The following PP2D1 variants were observed in gnomAD, a reference collection of about 807,000 sequenced individuals.
PP2D1 encodes the protein protein phosphatase 2C-like domain-containing protein 1.
A neutral mutation model predicts 30.2 loss-of-function variants in PP2D1; 25 were observed. That is an observed-to-expected ratio of 0.83 (90% CI 0.60 to 1.16). The LOEUF is 1.16. Among genes scored for constraint, PP2D1 ranks in the 50% most tolerant of loss-of-function variants. PP2D1 has a pLI of 0.00. For missense variants in PP2D1, 760 were observed against 742.4 expected, an observed-to-expected ratio of 1.02 and a Z score of -0.28; for synonymous variants, 260 against 258.9, an observed-to-expected ratio of 1.00 and a Z score of -0.04.
chr3:19,999,641 G>A (rs1373873122), intron 2 of PP2D1, among the ~76,000 whole-genome samples: 9 of 151,642 alleles, frequency 5.9e-5, no homozygotes, highest in East Asian at 3.9e-4. Flanking sequence ...CACCCACCTC[G>A]GCCTCCCAAA....
intron 1 of PP2D1, among the ~76,000 whole-genome samples, chr3:20,003,928 C>T (rs140191915): frequency 1.7e-4 from 26 of 152,038 alleles, no homozygotes; most frequent in Non-Finnish European, 2.8e-4. Context: ...AAAATTTAAA[C>T]GTTTACAAAG....
intron 2 of PP2D1, among the ~76,000 whole-genome samples, chr3:19,994,983 A>T (rs1199929580): frequency 5.9e-5 from 9 of 152,184 alleles, no homozygotes; most frequent in Non-Finnish European, 1.3e-4. Flanking sequence ...GACTGAAAAG[A>T]TATTAATTCG....
chr3:20,007,059 A>G (rs999569416), intron 1 of PP2D1, among the ~76,000 whole-genome samples: 1 of 151,512 alleles, frequency 6.6e-6, no homozygotes, highest in Non-Finnish European at 1.5e-5. Context: ...TTTAGTAGAG[A>G]TGAGTTTTCA....
At chr3:20,008,435 C>T (rs1697348334) in intron 1 of PP2D1, among the ~76,000 whole-genome samples, 1 of 152,040 alleles carries the variant, frequency 6.6e-6, no homozygotes, top group Admixed American at 6.6e-5. Flanking sequence ...GGAGTGGTGG[C>T]TCATGTCTGT....
chr3:20,008,072 T>G (rs1697342932), intron 1 of PP2D1: 1 of 163,376 alleles, frequency 6.1e-6, no homozygotes, highest in African/African-American at 2.4e-5. Flanking sequence ...TCTTTCAAGG[T>G]TGCATCTATC....
At chr3:19,992,329 G>T (rs937965183) in intron 2 of PP2D1, among the ~76,000 whole-genome samples, 2 of 152,120 alleles carry the variant, frequency 1.3e-5, no homozygotes, top group African/African-American at 4.8e-5. Context: ...TTGTAAGCAT[G>T]TGAGAGTTCC....
At chr3:19,988,978 T>A (rs1311466486) in intron 2 of PP2D1, among the ~76,000 whole-genome samples, 1 of 151,314 alleles carries the variant, frequency 6.6e-6, no homozygotes, top group African/African-American at 2.4e-5. Context: ...AAAGCAAGAC[T>A]CTCTCAAAAA....
At chr3:19,986,979 G>T (rs1366491929) in intron 2 of PP2D1, among the ~76,000 whole-genome samples, 1 of 151,562 alleles carries the variant, frequency 6.6e-6, no homozygotes, top group Non-Finnish European at 1.5e-5. Flanking sequence ...GGAGGTTGTG[G>T]TGAGCTGAGA....
downstream of PP2D1, among the ~76,000 whole-genome samples, chr3:19,983,528 C>G (rs768845656): frequency 1.1e-4 from 16 of 152,042 alleles, no homozygotes; most frequent in Non-Finnish European, 1.9e-4. Flanking sequence ...ATCAAACTCC[C>G]TAAGACAGCA....
intron 2 of PP2D1, among the ~76,000 whole-genome samples, chr3:19,993,433 C>A (rs1363925352): frequency 1.3e-5 from 2 of 152,120 alleles, no homozygotes; most frequent in Non-Finnish European, 2.9e-5. Context: ...GAGCCGAATC[C>A]ACGTTAAATT....
intron 2 of PP2D1, among the ~76,000 whole-genome samples, chr3:19,992,257 A>G (rs1333801274): frequency 2.6e-5 from 4 of 152,198 alleles, no homozygotes; most frequent in Admixed American, 6.5e-5. Context: ...AAGCCTAACT[A>G]TATTACGCAC....
chr3:19,993,088 A>G (rs1021665268), intron 2 of PP2D1, among the ~76,000 whole-genome samples: 24 of 152,182 alleles, frequency 1.6e-4, no homozygotes, highest in African/African-American at 5.5e-4. Flanking sequence ...AAGTTGTGAA[A>G]TGGTGGGTAA....
At chr3:19,988,162 A>G (rs950218423) in intron 2 of PP2D1, among the ~76,000 whole-genome samples, 7 of 152,210 alleles carry the variant, frequency 4.6e-5, no homozygotes, top group African/African-American at 1.7e-4. Flanking sequence ...TTCAGGGAAC[A>G]AGGGAGATAA....
Position 19,985,780 on chromosome 3 carries a change from G to GA in PP2D1, c.1492dup (p.Ser498PhefsTer4). 6.5e-7 allele frequency: 1 copy of GA among 1,536,006 alleles called. No homozygotes were observed. The highest frequency in any genetic ancestry group is 8.7e-7 in the Non-Finnish European group (1 of 1,146,832). ...TTTAGTAAGGTTTGGTTCACTGGTTGAAAAAAGCAGAGGCCCTTTGGATGG... is the reference window on the plus strand; with the variant it reads ...TTTAGTAAGGTTTGGTTCACTGGTTGAAAAAAAGCAGAGGCCCTTTGGATGG... On this transcript the variant is annotated frameshift_variant, in exon 3 of 3. Coordinates refer to ENST00000389050, the MANE Select transcript of PP2D1 (RefSeq NM_001252657.2). LOFTEE classifies it low-confidence loss of function (END_TRUNC).
downstream of PP2D1, among the ~76,000 whole-genome samples, chr3:19,982,093 C>G (rs1423380357): frequency 6.6e-6 from 1 of 151,774 alleles, no homozygotes; most frequent in Admixed American, 6.6e-5. Context: ...AAAAAAAAGC[C>G]AGGCATGGTG....
downstream of PP2D1, chr3:19,985,155 A>G (rs1411872528): frequency 4.3e-6 from 2 of 466,238 alleles, no homozygotes; most frequent in African/African-American, 2.0e-5. Flanking sequence ...TCAGGTTGGA[A>G]TAAAGTGGTA....
chr3:19,994,394 G>A (rs1697152788), intron 2 of PP2D1, among the ~76,000 whole-genome samples: 1 of 152,160 alleles, frequency 6.6e-6, no homozygotes, highest in African/African-American at 2.4e-5. Flanking sequence ...CACTTTGGGA[G>A]GCCAAATGGG....
downstream of PP2D1, chr3:19,983,825 C>T (rs752034936): frequency 6.3e-7 from 1 of 1,574,808 alleles, no homozygotes; most frequent in African/African-American, 1.4e-5. Flanking sequence ...AGTAACTAAA[C>T]CTCTAGTTTG....
downstream of PP2D1, among the ~76,000 whole-genome samples, chr3:19,981,298 C>A (rs1474107996): frequency 6.6e-6 from 1 of 152,066 alleles, no homozygotes; most frequent in African/African-American, 2.4e-5. Context: ...ATACAGAAAC[C>A]CATCATAAAT....
Sources: gnomAD v4.1 joint callset for allele counts (sites outside exome capture counted in the v4.1 genomes callset) on GRCh38, gnomAD v4.1.1 for gene constraint, MANE v1.5 for transcripts, NCBI Gene and HGNC (gene_info 2026-07-23, HGNC 2026-07-21) for gene names.